TMEM120B: variants seen among roughly 807,000 people sequenced by gnomAD.
The protein encoded by TMEM120B is transmembrane protein 120B.
Under a neutral mutation model 55.5 loss-of-function variants are expected in TMEM120B, and 31 were observed. The observed-to-expected ratio is 0.56, with a 90% CI of 0.42 to 0.75. The LOEUF (loss-of-function observed/expected upper bound fraction) is 0.75, where lower values mean the gene tolerates loss of function less well. Ranked by LOEUF, TMEM120B falls within the 30% of genes least tolerant of loss-of-function variation. TMEM120B has a pLI of 0.00. For missense variants in TMEM120B, 399 were observed against 425.5 expected (o/e 0.94, Z 0.55); for synonymous variants, 203 against 176.3 (o/e 1.15, Z -1.20).
At chr12:121,720,854 C>A (rs1894778418) in intron 1 of TMEM120B, among the ~76,000 whole-genome samples, 2 of 152,212 alleles carry the variant, frequency 1.3e-5, no homozygotes, top group South Asian at 4.1e-4. Context: ...TGGGCCAGAA[C>A]CATGTCTGTA....
At chr12:121,729,723 C>G (rs1239195065) in intron 1 of TMEM120B, among the ~76,000 whole-genome samples, 1 of 151,934 alleles carries the variant, frequency 6.6e-6, no homozygotes, top group Non-Finnish European at 1.5e-5. Context: ...CGCTTGAGCC[C>G]AGGAGTTTGA....
At position 121,777,893 on chromosome 12, in the gene TMEM120B, C is replaced by G. The variant is rs1236322902; in HGVS notation, c.*2171C>G. On this transcript the variant is annotated 3_prime_UTR_variant, in exon 12 of 12. Coordinates refer to ENST00000449592, the MANE Select transcript of TMEM120B (RefSeq NM_001080825.2). The stretch of plus-strand genomic sequence containing the variant: ...GAACAAGAACTCCTTGGTTGATTCC[C>G]CAGGGTACGGCAGGGCCTTGGGAAC... 6.6e-6 allele frequency: 1 copy of G among 152,200 alleles called. No individual in the cohort carries two copies. Among genetic ancestry groups the G allele is most frequent in the African/African-American group, 2.4e-5 (1 of 41,440 alleles). 9.4% of individuals were successfully genotyped at this position (152,200 alleles called of 1,614,324 possible).
At chr12:121,768,198 G>A (rs986799899) in intron 6 of TMEM120B, among the ~76,000 whole-genome samples, 3 of 152,296 alleles carry the variant, frequency 2.0e-5, no homozygotes, top group East Asian at 3.9e-4. Flanking sequence ...ATGACCGCAC[G>A]TGGCACCTGC....
Position 121,779,559 on chromosome 12 carries a change from G to A in TMEM120B, c.*3837G>A, listed in dbSNP as rs1269681432. On this transcript the variant is annotated 3_prime_UTR_variant, in exon 12 of 12. Transcript: ENST00000449592. Reference sequence around the variant, plus strand: ...TTGCGCCTTCTTCAGAGCGCTGAGAGCCACCTTGGCGGCCTCCCGGAAGAC... The same window carrying A: ...TTGCGCCTTCTTCAGAGCGCTGAGAACCACCTTGGCGGCCTCCCGGAAGAC... 1 of 1,614,000 alleles carries A rather than the reference G, an allele frequency of 6.2e-7. No homozygotes were observed. The highest frequency in any genetic ancestry group is 8.5e-7 in the Non-Finnish European group (1 of 1,180,052).
At chr12:121,753,597 T>G (rs1232887632) in intron 5 of TMEM120B, among the ~76,000 whole-genome samples, 1 of 151,928 alleles carries the variant, frequency 6.6e-6, no homozygotes, top group Non-Finnish European at 1.5e-5. Context: ...AAAAAGAATG[T>G]TCTGGAGTTA....
chr12:121,729,640 A>G (rs1442800580), intron 1 of TMEM120B, among the ~76,000 whole-genome samples: 4 of 129,806 alleles, frequency 3.1e-5, no homozygotes, highest in Admixed American at 7.3e-5. Context: ...TCTCTACAAG[A>G]AAAAAAAAAA....
At chr12:121,764,029 C>T (rs145849157) in intron 6 of TMEM120B, among the ~76,000 whole-genome samples, 228 of 152,208 alleles carry the variant, frequency 1.5e-3, no homozygotes, top group African/African-American at 5.2e-3. Flanking sequence ...ATTTAGAAAA[C>T]ATCAGTGTGT....
Position 121,762,679 on chromosome 12 carries a change from C to T in TMEM120B, c.551+941C>T, listed in dbSNP as rs148459158. ...GGGAGACCGTTACTAGGAGGATGGA[C>T]GGGTTTTGGTGACAAGAGTGGGTGG... On this transcript the variant is annotated intron_variant, in intron 6 of 11. Coordinates refer to ENST00000449592, the MANE Select transcript of TMEM120B (RefSeq NM_001080825.2). Among the ~76,000 whole-genome samples the T allele has an allele frequency of 3.6e-4, 55 of 152,220 alleles. 1 individual carries two copies. In the East Asian group the frequency reaches 9.3e-3, roughly 26 times the overall value.
chr12:121,759,239 G>A (rs1010593370), intron 5 of TMEM120B, among the ~76,000 whole-genome samples: 5 of 126,686 alleles, frequency 3.9e-5, no homozygotes, highest in Non-Finnish European at 8.2e-5. Flanking sequence ...AAGTTCTCCC[G>A]TTAGTGGTGG....
rs1872998506 is a variant in TMEM120B, at chr12:121,743,648, A to G, written c.89A>G (p.Lys30Arg). Residue 30 changes from lysine to arginine, a missense_variant, in exon 2 of 12, where the codon AAG becomes AGG. Physicochemically the swap from Lys to Arg is conservative, Grantham distance 26. Around this residue, in one of 3 missense-constraint regions of TMEM120B, gnomAD observed 133 missense variants for 104.1 expected, o/e 1.28. Transcript: ENST00000449592. Reference protein sequence around the residue: ...QELQETHRIYKQKLEELAALQ... With the variant: ...QELQETHRIYRQKLEELAALQ... The stretch of plus-strand genomic sequence containing the variant: ...CTTCAGGAGACGCACAGGATCTACA[A>G]GCAGAAGCTGGAGGAGCTGGCTGCG... 2 of 1,613,656 alleles carry G rather than the reference A, an allele frequency of 1.2e-6. No individual in the cohort carries two copies.
At chr12:121,772,109 T>TTCTCTCTC (rs199806160) in intron 8 of TMEM120B, among the ~76,000 whole-genome samples, 18,961 of 147,124 alleles carry the variant, frequency 0.13, 1,925 homozygotes, top group African/African-American at 0.28. Flanking sequence ...CTTTCTCTCT[T>TTCTCTCTC]TCTCTCTCTC....
At position 121,773,402 on chromosome 12, in the gene TMEM120B, T is replaced by C. The variant is rs772085498; in HGVS notation, c.680-19T>C. The C allele has an allele frequency of 1.9e-6, 3 of 1,600,034 alleles. No homozygotes were observed. In the African/African-American group the frequency reaches 4.0e-5, roughly 21 times the overall value. On this transcript the variant is annotated intron_variant, in intron 8 of 11. Transcript: ENST00000449592. ...GGGGACACCAGGCCCTGAGCCCAGG[T>C]GCTGTGCTCCCCCTGCAGGCTGCGT...
At chr12:121,760,264 C>T (rs1873628235) in intron 5 of TMEM120B, among the ~76,000 whole-genome samples, 3 of 151,688 alleles carry the variant, frequency 2.0e-5, no homozygotes, top group Admixed American at 2.0e-4. Context: ...GATTGCGCCA[C>T]TGCACTCCAG....
chr12:121,742,194 G>A (rs962154035), intron 1 of TMEM120B, among the ~76,000 whole-genome samples: 1 of 144,582 alleles, frequency 6.9e-6, no homozygotes, highest in African/African-American at 2.5e-5. Context: ...GTAGAGACAG[G>A]GTTTCACTAT....
chr12:121,716,237 G>A (rs933866276), intron 1 of TMEM120B, among the ~76,000 whole-genome samples: 5 of 151,330 alleles, frequency 3.3e-5, no homozygotes, highest in Admixed American at 6.6e-5. Context: ...GAGCCCCAGA[G>A]GTCAAGGCTG....
intron 1 of TMEM120B, among the ~76,000 whole-genome samples, chr12:121,725,305 A>C (rs1338996998): frequency 6.6e-6 from 1 of 152,124 alleles, no homozygotes; most frequent in African/African-American, 2.4e-5. Context: ...AATCATGTTT[A>C]ATGTGCTGGT....
At position 121,774,648 on chromosome 12, in the gene TMEM120B, C is replaced by G. The variant is rs750842287; in HGVS notation, c.773-10C>G. On this transcript the variant is annotated splice_polypyrimidine_tract_variant and intron_variant, in intron 9 of 11. Coordinates refer to ENST00000449592, the MANE Select transcript of TMEM120B (RefSeq NM_001080825.2). ...CTCAGCGGGTCCTTTTTCTTCCCTC[C>G]TCTCCACAGAAGGGTTCCAGTCCTG... The G allele has an allele frequency of 3.1e-6, 5 of 1,613,544 alleles. No homozygotes were observed. Among genetic ancestry groups the G allele is most frequent in the Non-Finnish European group, 4.2e-6 (5 of 1,179,614 alleles).
chr12:121,726,004 T>G (rs1449966354), intron 1 of TMEM120B, among the ~76,000 whole-genome samples: 1 of 135,898 alleles, frequency 7.4e-6, no homozygotes, highest in Non-Finnish European at 1.5e-5. Flanking sequence ...GCCACTGCAC[T>G]CCAGCCTGGG....
chr12:121,751,730 C>T (rs1018245664), intron 4 of TMEM120B, among the ~76,000 whole-genome samples: 4 of 151,078 alleles, frequency 2.6e-5, no homozygotes, highest in African/African-American at 7.3e-5. Context: ...AAGAAATGGC[C>T]CTGCTCTGTT....
Sources: allele counts gnomAD v4.1 joint callset (sites outside exome capture counted in the v4.1 genomes callset), GRCh38; gene constraint gnomAD v4.1.1; regional missense constraint gnomAD v4.1.1; transcripts MANE v1.5; gene names NCBI Gene and HGNC (gene_info 2026-07-23, HGNC 2026-07-21).